Variants in OR3A2 observed in about 807,000 individuals in gnomAD.
OR3A2 encodes the protein olfactory receptor family 3 subfamily A member 2.
For synonymous variants in OR3A2, 126 were observed against 159.3 expected, an observed-to-expected ratio of 0.79 and a Z score of 1.57; for missense variants, 318 against 392.8, an observed-to-expected ratio of 0.81 and a Z score of 1.61.
intron 3 of OR3A2, chr17:3,309,954 G>A (rs1291410362): frequency 4.8e-6 from 1 of 210,000 alleles, no homozygotes; most frequent in Non-Finnish European, 9.7e-6. Context: ...CTATGGCCAT[G>A]CCACCATCTG....
At chr17:3,278,165 A>C (rs746965198) in exon 2 of OR3A2, 10 of 1,614,234 alleles carry the variant, frequency 6.2e-6, no homozygotes, top group Non-Finnish European at 3.4e-6. Flanking sequence ...AGAAAAGACA[A>C]ACCACGGTGA....
In OR3A2 at chr17:3,311,622, C is replaced by A. The variant is rs8077966; in HGVS notation, c.-85+24411G>T. The A allele has an allele frequency of 0.12, 44,341 of 358,460 alleles. 3,676 individuals carry two copies. Among genetic ancestry groups the A allele is most frequent in the African/African-American group, 0.28 (13,323 of 47,284 alleles). The allele number at this position is 358,460 out of a possible 1,614,324, so 22.2% of individuals were successfully genotyped here. On this transcript the variant is annotated intron_variant, in intron 3 of 4. Transcript: ENST00000573491. The surrounding 1 kb of genome is among the most constrained non-coding windows in gnomAD (Gnocchi z 4.6). ...TGGGGGCCACCTTCATAGGAGTGAT[C>A]CCCATGATCTTTATCTCAGTGTCCT...
At chr17:3,351,048 C>T (rs2049415957) in intron 2 of OR3A2, among the ~76,000 whole-genome samples, 1 of 151,070 alleles carries the variant, frequency 6.6e-6, no homozygotes, top group African/African-American at 2.4e-5. Context: ...ATAATAAGAG[C>T]TATCTATGAC....
upstream of OR3A2, among the ~76,000 whole-genome samples, chr17:3,288,246 C>CAAAAAAAAAAAAAAAA: frequency 9.5e-5 from 7 of 73,470 alleles, no homozygotes; most frequent in Admixed American, 1.4e-4. Flanking sequence ...ACCAAAAGGG[C>CAAAAAAAAAAAAAAAA]AAAAAAAAAA....
At chr17:3,361,386 C>T (rs1335315957) in intron 2 of OR3A2, among the ~76,000 whole-genome samples, 3 of 151,724 alleles carry the variant, frequency 2.0e-5, no homozygotes, top group East Asian at 3.9e-4. Context: ...TTCCTCTTTT[C>T]CTAACTGAAT....
chr17:3,357,803 T>G (rs1405118730), intron 2 of OR3A2, among the ~76,000 whole-genome samples: 1 of 151,674 alleles, frequency 6.6e-6, no homozygotes, highest in East Asian at 1.9e-4. Flanking sequence ...TCCTCCTGCC[T>G]TGGCCTTCCA....
chr17:3,293,444 T>C (rs561470054), intron 3 of OR3A2, among the ~76,000 whole-genome samples: 1 of 152,146 alleles, frequency 6.6e-6, no homozygotes, highest in Non-Finnish European at 1.5e-5. Flanking sequence ...TACCTCCAAT[T>C]CTGAATCACA....
intron 2 of OR3A2, among the ~76,000 whole-genome samples, chr17:3,345,444 G>GAGAC (rs2049355174): frequency 6.6e-6 from 1 of 151,480 alleles, no homozygotes; most frequent in South Asian, 2.1e-4. Flanking sequence ...GAGAGATAGA[G>GAGAC]ACAGAGAGAG....
At chr17:3,361,061 T>G (rs1046120550) in intron 2 of OR3A2, among the ~76,000 whole-genome samples, 1 of 151,704 alleles carries the variant, frequency 6.6e-6, no homozygotes, top group Non-Finnish European at 1.5e-5. Flanking sequence ...CATGGAATGT[T>G]CTTCCATTTG....
At chr17:3,313,079 C>T (rs1468603658) in intron 3 of OR3A2, among the ~76,000 whole-genome samples, 1 of 152,130 alleles carries the variant, frequency 6.6e-6, no homozygotes, top group East Asian at 1.9e-4. Flanking sequence ...AGTACTGGAA[C>T]CTGAGATTTT....
intron 2 of OR3A2, among the ~76,000 whole-genome samples, chr17:3,349,618 A>C (rs2049401679): frequency 6.6e-6 from 1 of 152,124 alleles, no homozygotes. Flanking sequence ...CATCAGACAG[A>C]TCAACGAGAC....
chr17:3,385,357 AATG>A (rs1847350531), intron 1 of OR3A2, among the ~76,000 whole-genome samples: 1 of 152,236 alleles, frequency 6.6e-6, no homozygotes, highest in African/African-American at 2.4e-5. Flanking sequence ...TTAAACAAAT[AATG>A]ATGATTAAGT....
intron 3 of OR3A2, among the ~76,000 whole-genome samples, chr17:3,335,645 A>G (rs2049270664): frequency 6.6e-6 from 1 of 152,122 alleles, no homozygotes; most frequent in Non-Finnish European, 1.5e-5. Context: ...CCAGTCATTT[A>G]GACACCAGCC....
At chr17:3,346,022 A>T (rs1454806994) in intron 2 of OR3A2, among the ~76,000 whole-genome samples, 1 of 152,146 alleles carries the variant, frequency 6.6e-6, no homozygotes, top group Non-Finnish European at 1.5e-5. Context: ...ACAGCAGGCT[A>T]GGTGTTTTGT....
intron 2 of OR3A2, among the ~76,000 whole-genome samples, chr17:3,361,542 G>T (rs930296591): frequency 1.3e-5 from 2 of 151,648 alleles, no homozygotes; most frequent in African/African-American, 4.9e-5. Context: ...GTATGATATT[G>T]GCTGTGGGTT....
In OR3A2 at chr17:3,385,512, T is replaced by C. The variant is rs557260472; in HGVS notation, c.-275+613A>G. On this transcript the variant is annotated intron_variant, in intron 1 of 4. Transcript: ENST00000573491. ...AGATGATAGAGGAGTTTTGAGTGCT[T>C]ATTATATGCCAGGCACTGTGCGAAG... Among the ~76,000 whole-genome samples the C allele has an allele frequency of 3.6e-4, 55 of 152,272 alleles. 1 individual carries two copies. In the South Asian group the frequency reaches 0.011, roughly 29 times the overall value.
intron 1 of OR3A2, among the ~76,000 whole-genome samples, chr17:3,282,555 G>A (rs1391367046): frequency 1.3e-5 from 2 of 152,202 alleles, no homozygotes; most frequent in South Asian, 2.1e-4. Context: ...TCCACTGTGT[G>A]TGCTCAGGCC....
chr17:3,334,226 A>AC (rs750486478), intron 3 of OR3A2, among the ~76,000 whole-genome samples: 7 of 152,268 alleles, frequency 4.6e-5, no homozygotes, highest in Non-Finnish European at 1.0e-4. Context: ...AAGCAGAAAT[A>AC]CCATCTTTAC....
chr17:3,332,255 G>A (rs1381226697), intron 3 of OR3A2, among the ~76,000 whole-genome samples: 8 of 151,998 alleles, frequency 5.3e-5, no homozygotes, highest in Non-Finnish European at 4.4e-5. Context: ...CGAGCTTCGC[G>A]GCTGCTTTGT....
Sources: gnomAD v4.1 joint callset for allele counts (sites outside exome capture counted in the v4.1 genomes callset) on GRCh38, gnomAD v4.1.1 for gene constraint, Gnocchi (gnomAD v3.1) non-coding constraint, MANE v1.5 for transcripts, NCBI Gene and HGNC (gene_info 2026-07-23, HGNC 2026-07-21) for gene names.